Variants in SPSB2 observed in about 807,000 individuals in gnomAD.
The protein encoded by SPSB2 is splA/ryanodine receptor domain and SOCS box containing 2.
SPSB2 carries 25 observed loss-of-function variants against 19.2 expected under a neutral mutation model. The observed-to-expected ratio is 1.30, with a 90% CI of 0.95 to 1.82. The LOEUF (loss-of-function observed/expected upper bound fraction) is 1.82. Ranked by LOEUF, SPSB2 falls within the 40% of genes most tolerant of loss-of-function variation. SPSB2 has a pLI of 0.00. For missense variants in SPSB2, 413 were observed against 344.9 expected (o/e 1.20, Z -1.56); for synonymous variants, 153 against 154.9 (o/e 0.99, Z 0.09).
chr12:6,872,099 T>C (rs782605652), intron 2 of SPSB2, 139 bp downstream of exon 2: 1 of 1,606,598 alleles, frequency 6.2e-7, no homozygotes, highest in South Asian at 1.1e-5. Context: ...TGAAGACCCC[T>C]AGCCTTTCCC....
In SPSB2 at chr12:6,871,315, C is replaced by T; in HGVS notation, c.669G>A (p.Glu223=). Residue 223 remains glutamate, a synonymous_variant, in exon 3 of 3, where the codon GAG becomes GAA. Coordinates refer to ENST00000524270, the MANE Select transcript of SPSB2 (RefSeq NM_032641.4). ...RIRYLGERRA[E]PHSLLHLSRL... ...GGCTCAGGTGCAGAAGGGAGTGTGG[C>T]TCCGCTGGGAGAGAGAAGGAGGGGA... 5 of 1,612,712 alleles carry T rather than the reference C, an allele frequency of 3.1e-6. No homozygotes were observed. The highest frequency in any genetic ancestry group is 4.2e-6 in the Non-Finnish European group (5 of 1,179,566).
chr12:6,873,142 C>T (rs782249641), intron 1 of SPSB2, 104 bp downstream of exon 1: 25 of 483,752 alleles, frequency 5.2e-5, no homozygotes, highest in Non-Finnish European at 8.5e-5. Context: ...GCCCTCGCCC[C>T]ATCTGATCCA....
rs1944631206 is a variant in SPSB2, at chr12:6,872,972, CCA to C, written c.-73_-72del. ...GTCTTTCTCTTCTGAAAGTTGAGCTCCAGTTTGGATTGACCTGGAAGGGAGCT... is the reference window on the plus strand; with the variant it reads ...GTCTTTCTCTTCTGAAAGTTGAGCTCGTTTGGATTGACCTGGAAGGGAGCT... On this transcript the variant is annotated 5_prime_UTR_variant, in exon 2 of 3. Coordinates refer to ENST00000524270, the MANE Select transcript of SPSB2 (RefSeq NM_032641.4). 1 of 1,140,240 alleles carries C rather than the reference CCA, an allele frequency of 8.8e-7. No individual in the cohort carries two copies. Among genetic ancestry groups the C allele is most frequent in the African/African-American group, 1.6e-5 (1 of 64,254 alleles). The allele number at this position is 1,140,240 out of a possible 1,614,324, so 70.6% of individuals were successfully genotyped here.
In SPSB2 at chr12:6,872,416, C is replaced by T. The variant is rs782773772; in HGVS notation, c.486G>A (p.Glu162=). ...YPAGTQGEQL[E]VPERLLVVLD... is the part of the protein sequence containing the mutation. ...GAACCACCAGCAGTCTCTCTGGCAC[C>T]TCCAGCTGCTCACCCTGAGTTCCCG... The change falls in exon 2 of 3, where the codon GAG becomes GAA. Residue 162 remains glutamate, a synonymous_variant. Transcript: ENST00000524270. 1 of 1,614,248 alleles carries T rather than the reference C, an allele frequency of 6.2e-7. No homozygotes were observed. The highest frequency in any genetic ancestry group is 8.5e-7 in the Non-Finnish European group (1 of 1,180,050).
rs782330425 is a variant in SPSB2 at position 6,872,222 on chromosome 12, C to G, written c.664+16G>C. 2.6e-5 allele frequency: 42 copies of G among 1,613,962 alleles called. No individual in the cohort carries two copies. The highest frequency in any genetic ancestry group is 1.3e-4 in the Admixed American group (8 of 60,008). On this transcript the variant is annotated intron_variant, in intron 2 of 2. Transcript: ENST00000524270. ...CAGGGACAGAAAGTTCTCCCCACGT[C>G]TGCCCCAGGCCTCACCTCTCCTTTC...
intron 2 of SPSB2, 155 bp downstream of exon 2, chr12:6,872,083 C>T (rs782681727): frequency 1.5e-5 from 24 of 1,583,810 alleles, no homozygotes; most frequent in Middle Eastern, 3.3e-4. Context: ...AATTAAATAA[C>T]AGCTGTGAAG....
intron 2 of SPSB2, 183 bp from the exon 3 acceptor site, chr12:6,871,502 T>G: frequency 1.5e-6 from 1 of 673,276 alleles, no homozygotes; most frequent in Non-Finnish European, 2.5e-6. Flanking sequence ...ACATCCCTAG[T>G]CAGAGCTGGG....
At position 6,870,983 on chromosome 12, in the gene SPSB2, G is replaced by C. The variant is rs572293654; in HGVS notation, c.*209C>G. 2.9e-6 allele frequency: 2 copies of C among 686,710 alleles called. No homozygotes were observed. Among genetic ancestry groups the C allele is most frequent in the Middle Eastern group, 3.8e-4 (1 of 2,604 alleles). 42.5% of individuals were successfully genotyped at this position (686,710 alleles called of 1,614,324 possible). ...ATTTTTACTTGAAAAAATGTTTTGCGTAGCAGACTGTCATAGCCTTGAACG... is the reference window on the plus strand; with the variant it reads ...ATTTTTACTTGAAAAAATGTTTTGCCTAGCAGACTGTCATAGCCTTGAACG... On this transcript the variant is annotated 3_prime_UTR_variant, in exon 3 of 3. Transcript: ENST00000524270.
chr12:6,871,330 GA>G lies in SPSB2; in HGVS notation c.665-12del, dbSNP rs1944589681. The G allele has an allele frequency of 1.3e-6, 2 of 1,595,272 alleles. No individual in the cohort carries two copies. Among genetic ancestry groups the G allele is most frequent in the Non-Finnish European group, 1.7e-6 (2 of 1,177,454 alleles). On this transcript the variant is annotated splice_polypyrimidine_tract_variant and intron_variant, in intron 2 of 2. Coordinates refer to ENST00000524270, the MANE Select transcript of SPSB2 (RefSeq NM_032641.4). ...GGGAGTGTGGCTCCGCTGGGAGAGA[GA>G]AGGAGGGGAATGTAAGTATGGGTGC...
rs781921786 is a variant in SPSB2, at chr12:6,872,483, A to G, written c.419T>C (p.Leu140Pro). The stretch of plus-strand genomic sequence containing the variant: ...TCCGGGCCCCTTGCTCTGATGGTAC[A>G]GCTTCCCCCGCCCGATGTCCCAGCC... ...SWGWDIGRGK[L>P]YHQSKGPGAP... Residue 140 changes from leucine to proline, a missense_variant, in exon 2 of 3, where the codon CTG (leucine) becomes CCG (proline). Coordinates refer to ENST00000524270, the MANE Select transcript of SPSB2 (RefSeq NM_032641.4). 1.2e-6 allele frequency: 2 copies of G among 1,613,450 alleles called. No homozygotes were observed. The highest frequency in any genetic ancestry group is 1.7e-5 in the Admixed American group (1 of 60,020).
chr12:6,872,169 AAG>A (rs782491028), intron 2 of SPSB2, 67 bp downstream of exon 2: 22 of 1,613,270 alleles, frequency 1.4e-5, no homozygotes, highest in African/African-American at 6.7e-5. Flanking sequence ...CTCTTGTCAG[AAG>A]AGTTTCCATC....
In SPSB2 at chr12:6,872,897, C is replaced by T; in HGVS notation, c.5G>A (p.Gly2Asp). The T allele has an allele frequency of 6.4e-7, 1 of 1,570,176 alleles. No individual in the cohort carries two copies. ...GCTGCCCCCTGCCAGAGCTGTCTGG[C>T]CCATGGAGGTGAGGAGCTAGAGGAC... M[G>D]QTALAGGSSS... Residue 2 changes from glycine (G) to aspartate (D), a missense_variant, in exon 2 of 3, where the codon GGC becomes GAC. By Grantham distance (94) the Gly-to-Asp change is moderately conservative. Coordinates refer to ENST00000524270, the MANE Select transcript of SPSB2 (RefSeq NM_032641.4).
In SPSB2 at chr12:6,872,886, G is replaced by A. The variant is rs1944628992; in HGVS notation, c.16C>T (p.Leu6=). The change falls in exon 2 of 3, where the codon CTG becomes TTG. Residue 6 remains leucine, a synonymous_variant. Transcript: ENST00000524270. Reference sequence around the variant, plus strand: ...GGGGTGCTGCTGCTGCCCCCTGCCAGAGCTGTCTGGCCCATGGAGGTGAGG... The same window carrying A: ...GGGGTGCTGCTGCTGCCCCCTGCCAAAGCTGTCTGGCCCATGGAGGTGAGG... MGQTA[L]AGGSSSTPTP... The A allele has an allele frequency of 1.3e-6, 2 of 1,584,102 alleles. No individual in the cohort carries two copies. Among genetic ancestry groups the A allele is most frequent in the East Asian group, 2.3e-5 (1 of 44,380 alleles).
Position 6,870,968 on chromosome 12 carries a change from GA to G in SPSB2, c.*223del. The G allele has an allele frequency of 1.5e-6, 1 of 673,400 alleles. No individual in the cohort carries two copies. 41.7% of individuals were successfully genotyped at this position (673,400 alleles called of 1,614,324 possible). A position where few individuals can be genotyped will look rare whatever the true frequency, so the allele number is the denominator to read the frequency against. ...ACAACATCTCTTACTATTTTTACTTGAAAAAATGTTTTGCGTAGCAGACTGT... is the reference window on the plus strand; with the variant it reads ...ACAACATCTCTTACTATTTTTACTTGAAAAATGTTTTGCGTAGCAGACTGT... On this transcript the variant is annotated 3_prime_UTR_variant, in exon 3 of 3. Coordinates refer to ENST00000524270, the MANE Select transcript of SPSB2 (RefSeq NM_032641.4).
chr12:6,872,920 G>C lies in SPSB2; in HGVS notation c.-19C>G. ...GGCCCATGGAGGTGAGGAGCTAGAG[G>C]ACTCCCCGAAAGAGGCTTGCTGGGG... On this transcript the variant is annotated 5_prime_UTR_variant, in exon 2 of 3. Transcript: ENST00000524270. The C allele has an allele frequency of 6.6e-7, 1 of 1,521,300 alleles. No individual in the cohort carries two copies. The allele number at this position is 1,521,300 out of a possible 1,614,324, so 94.2% of individuals were successfully genotyped here. A position where few individuals can be genotyped will look rare whatever the true frequency, so the allele number is the denominator to read the frequency against.
chr12:6,871,577 G>GC (rs1217175855), intron 2 of SPSB2: 2 of 542,766 alleles, frequency 3.7e-6, no homozygotes, highest in Non-Finnish European at 6.5e-6. Context: ...GGTGGAGCTG[G>GC]CCCAGGCTTT....
At chr12:6,871,578 C>T (rs983402120) in intron 2 of SPSB2, 2 of 539,708 alleles carry the variant, frequency 3.7e-6, no homozygotes, top group South Asian at 2.3e-5. Context: ...GTGGAGCTGG[C>T]CCAGGCTTTG....
In SPSB2 at chr12:6,872,739, C is replaced by T. The variant is rs1555134103; in HGVS notation, c.163G>A (p.Glu55Lys). ...CCTCCTTCCTTGACCTCGATGTTCT[C>T]TGAACAGTCTTTGGGGTTCCAACCG... ...RHGWNPKDCS[E>K]NIEVKEGGLY... The change falls in exon 2 of 3, where the codon GAG (glutamate) becomes AAG (lysine). Residue 55 changes from glutamate to lysine, a missense_variant. Transcript: ENST00000524270. 1.2e-6 allele frequency: 2 copies of T among 1,612,842 alleles called. No homozygotes were observed. The highest frequency in any genetic ancestry group is 1.7e-6 in the Non-Finnish European group (2 of 1,180,046).
Position 6,872,714 on chromosome 12 carries a change from C to T in SPSB2, c.188G>A (p.Gly63Glu), listed in dbSNP as rs782079113. Residue 63 changes from glycine (G) to glutamate (E), a missense_variant, in exon 2 of 3, where the codon GGG becomes GAG. Gly to Glu is a moderately conservative substitution (Grantham distance 98, BLOSUM62 -2). Transcript: ENST00000524270. ...CSENIEVKEG[G>E]LYFERRPVAQ... Reference sequence around the variant, plus strand: ...CACGGGCCGCCGCTCAAAGTACAACCCTCCTTCCTTGACCTCGATGTTCTC... The same window carrying T: ...CACGGGCCGCCGCTCAAAGTACAACTCTCCTTCCTTGACCTCGATGTTCTC... 7.4e-6 allele frequency: 12 copies of T among 1,613,016 alleles called. No individual in the cohort carries two copies. The East Asian group carries it at 2.2e-4, about 30-fold the overall frequency.
Sources: allele counts gnomAD v4.1 joint callset, GRCh38; gene constraint gnomAD v4.1.1; transcripts MANE v1.5; gene names NCBI Gene and HGNC (gene_info 2026-07-23, HGNC 2026-07-21).